SLAIN2: variants seen among roughly 807,000 people sequenced by gnomAD.
The protein encoded by SLAIN2 is SLAIN motif-containing protein 2.
Under a neutral mutation model 56.6 loss-of-function variants are expected in SLAIN2, and 31 were observed. That is an observed-to-expected ratio of 0.55 (90% CI 0.41 to 0.74). The LOEUF is 0.74. SLAIN2 is among the 30% of genes least tolerant of loss of function. The pLI is 0.00. For missense variants in SLAIN2, 777 were observed against 754.2 expected, an observed-to-expected ratio of 1.03 and a Z score of -0.35; for synonymous variants, 317 against 284.9, an observed-to-expected ratio of 1.11 and a Z score of -1.13.
rs949247865 is a variant in SLAIN2 at position 48,379,637 on chromosome 4, A to G, written c.704-53A>G. ...ATCAAGTTAGTTGCAGTAGGCATTT[A>G]TTCAATAGTTGCTTTACCAGAGTTT... On this transcript the variant is annotated intron_variant, in intron 3 of 7. Transcript: ENST00000264313. 3.8e-6 allele frequency: 5 copies of G among 1,315,410 alleles called. No homozygotes were observed. In the African/African-American group the frequency reaches 7.6e-5, roughly 20 times the overall value. The allele number at this position is 1,315,410 out of a possible 1,614,324, so 81.5% of individuals were successfully genotyped here.
At chr4:48,362,096 G>A (rs952590649) in intron 1 of SLAIN2, among the ~76,000 whole-genome samples, 1 of 149,996 alleles carries the variant, frequency 6.7e-6, no homozygotes. Context: ...TCATGTCTGC[G>A]ATTAAACATG....
intron 6 of SLAIN2, among the ~76,000 whole-genome samples, chr4:48,412,469 T>C (rs1716890340): frequency 6.6e-6 from 1 of 151,654 alleles, no homozygotes; most frequent in African/African-American, 2.4e-5. Context: ...AAAGGGTGGC[T>C]AAGGTTTTCA....
intron 1 of SLAIN2, among the ~76,000 whole-genome samples, chr4:48,358,438 G>A (rs1330547684): frequency 6.6e-6 from 1 of 151,576 alleles, no homozygotes. Flanking sequence ...TCCTGCCTCA[G>A]CCTCCCGAGT....
At chr4:48,366,034 A>G (rs1204910112) in intron 1 of SLAIN2, among the ~76,000 whole-genome samples, 1 of 152,196 alleles carries the variant, frequency 6.6e-6, no homozygotes, top group Non-Finnish European at 1.5e-5. Flanking sequence ...TTCAGTTCAC[A>G]GTAGTTTCTG....
At chr4:48,421,229 G>GCT (rs1262132132) in intron 7 of SLAIN2, among the ~76,000 whole-genome samples, 25 of 152,114 alleles carry the variant, frequency 1.6e-4, no homozygotes, top group Non-Finnish European at 2.9e-4. Context: ...CTTGTCTGGA[G>GCT]CTCCTGAGTT....
chr4:48,402,812 A>C (rs1716590349), intron 6 of SLAIN2, among the ~76,000 whole-genome samples: 1 of 151,998 alleles, frequency 6.6e-6, no homozygotes, highest in Non-Finnish European at 1.5e-5. Flanking sequence ...TGGCTTTTTG[A>C]GTTTTCAGTG....
At chr4:48,397,315 CAT>C (rs1034414056) in intron 6 of SLAIN2, among the ~76,000 whole-genome samples, 12 of 152,020 alleles carry the variant, frequency 7.9e-5, no homozygotes, top group Non-Finnish European at 1.5e-4. Flanking sequence ...GGCCAACAAA[CAT>C]ATGAAAGTTC....
Position 48,391,967 on chromosome 4 carries a change from G to A in SLAIN2, c.1360+8183G>A, listed in dbSNP as rs1716245605. On this transcript the variant is annotated intron_variant, in intron 6 of 7. Coordinates refer to ENST00000264313, the MANE Select transcript of SLAIN2 (RefSeq NM_020846.2). ...CTTCTCACAGTAAGGTATTGCTGAA[G>A]TGGAATTATCTAAATATTAAAATAA... 2.0e-5 allele frequency among the ~76,000 whole-genome samples: 3 copies of A among 152,176 alleles called. No homozygotes were observed. In the South Asian group the frequency reaches 6.2e-4, roughly 32 times the overall value.
At chr4:48,410,596 C>A (rs768152556) in intron 6 of SLAIN2, among the ~76,000 whole-genome samples, 10 of 152,198 alleles carry the variant, frequency 6.6e-5, no homozygotes, top group Non-Finnish European at 1.0e-4. Flanking sequence ...GTACTTGGAG[C>A]TTTCTGCAGC....
At chr4:48,384,624 A>AG (rs993373166) in intron 6 of SLAIN2, among the ~76,000 whole-genome samples, 5 of 152,204 alleles carry the variant, frequency 3.3e-5, no homozygotes, top group Non-Finnish European at 5.9e-5. Context: ...TATAGTAGAA[A>AG]GAACACATGT....
At chr4:48,393,056 T>A (rs1560460909) in intron 6 of SLAIN2, among the ~76,000 whole-genome samples, 2 of 151,930 alleles carry the variant, frequency 1.3e-5, no homozygotes, top group Non-Finnish European at 2.9e-5. Context: ...GATAGTAACC[T>A]GTATTTTTGT....
chr4:48,422,302 C>T lies in SLAIN2; in HGVS notation c.*225C>T, dbSNP rs1272906311. ...ATCATACAATCACTCTCCATAGAAT[C>T]ACTTTTAGTTTTGTTTAATAGAAAC... On this transcript the variant is annotated 3_prime_UTR_variant, in exon 8 of 8. Transcript: ENST00000264313. 7.0e-6 allele frequency: 3 copies of T among 427,662 alleles called. No homozygotes were observed. The highest frequency in any genetic ancestry group is 1.3e-5 in the Non-Finnish European group (3 of 238,402). The allele number at this position is 427,662 out of a possible 1,614,324, so 26.5% of individuals were successfully genotyped here.
chr4:48,422,840 C>G lies in SLAIN2; in HGVS notation c.*763C>G, dbSNP rs1222702239. On this transcript the variant is annotated 3_prime_UTR_variant, in exon 8 of 8. Coordinates refer to ENST00000264313, the MANE Select transcript of SLAIN2 (RefSeq NM_020846.2). The stretch of plus-strand genomic sequence containing the variant: ...AAGGGCTTAATATCAGTTGTACAAT[C>G]TTTCTGAACTTTATAGTTCCTGGCT... The G allele has an allele frequency of 2.0e-5, 3 of 152,180 alleles. No homozygotes were observed. The highest frequency in any genetic ancestry group is 4.4e-5 in the Non-Finnish European group (3 of 68,024). The allele number at this position is 152,180 out of a possible 1,614,324, so 9.4% of individuals were successfully genotyped here.
chr4:48,390,456 C>T (rs1716210384), intron 6 of SLAIN2, among the ~76,000 whole-genome samples: 1 of 152,140 alleles, frequency 6.6e-6, no homozygotes, highest in South Asian at 2.1e-4. Flanking sequence ...GCTGTGCTTA[C>T]TTAGTATTTA....
At chr4:48,401,457 C>T (rs1230233883) in intron 6 of SLAIN2, among the ~76,000 whole-genome samples, 9 of 152,140 alleles carry the variant, frequency 5.9e-5, no homozygotes, top group South Asian at 2.1e-4. Context: ...TCTGGGTGCT[C>T]CTGTATTGGG....
intron 6 of SLAIN2, among the ~76,000 whole-genome samples, chr4:48,386,248 C>T (rs1432148230): frequency 6.6e-6 from 1 of 152,026 alleles, no homozygotes; most frequent in Non-Finnish European, 1.5e-5. Flanking sequence ...CTTATTTAAT[C>T]CTTAGAACAA....
chr4:48,371,947 A>G (rs1167613169), intron 2 of SLAIN2, among the ~76,000 whole-genome samples: 2 of 149,862 alleles, frequency 1.3e-5, no homozygotes, highest in Non-Finnish European at 3.0e-5. Flanking sequence ...TTGCCAAAAC[A>G]AAACAAAACA....
chr4:48,348,827 C>T (rs116515228), intron 1 of SLAIN2, among the ~76,000 whole-genome samples: 2,391 of 152,160 alleles, frequency 0.016, 58 homozygotes, highest in African/African-American at 0.055. Context: ...TCAGTAATGG[C>T]CAGTTGTTTT....
intron 1 of SLAIN2, among the ~76,000 whole-genome samples, chr4:48,366,088 ATGT>A (rs1329782939): frequency 6.6e-6 from 1 of 152,170 alleles, no homozygotes; most frequent in African/African-American, 2.4e-5. Flanking sequence ...ATTTGTAAGT[ATGT>A]TGTTTAATTT....
Sources: gnomAD v4.1 joint callset for allele counts (sites outside exome capture counted in the v4.1 genomes callset) on GRCh38, gnomAD v4.1.1 for gene constraint, MANE v1.5 for transcripts, NCBI Gene and HGNC (gene_info 2026-07-23, HGNC 2026-07-21) for gene names.